Variants in PCDHGA4 observed in about 807,000 individuals in gnomAD.
The protein encoded by PCDHGA4 is protocadherin gamma-A4.
A neutral mutation model predicts 54.6 loss-of-function variants in PCDHGA4; 38 were observed. That is an observed-to-expected ratio of 0.70 (90% CI 0.54 to 0.91). The LOEUF is 0.91. PCDHGA4 is among the 40% of genes least tolerant of loss of function. The pLI is 0.00. For synonymous variants in PCDHGA4, 511 were observed against 512.9 expected, an observed-to-expected ratio of 1.00 and a Z score of 0.05; for missense variants, 1,298 against 1,220.9, an observed-to-expected ratio of 1.06 and a Z score of -0.94.
intron 1 of PCDHGA4, among the ~76,000 whole-genome samples, chr5:141,435,790 A>G (rs1336963117): frequency 2.0e-5 from 3 of 152,168 alleles, no homozygotes; most frequent in African/African-American, 7.2e-5. Flanking sequence ...GCAGGGAAAC[A>G]TAACGTCCCA....
At position 141,491,798 on chromosome 5, in the gene PCDHGA4, G is replaced by A. The variant is rs1269524283; in HGVS notation, c.2515-3009G>A. 1 of 1,506,648 alleles carries A rather than the reference G, an allele frequency of 6.6e-7. No homozygotes were observed. The highest frequency in any genetic ancestry group is 8.9e-7 in the Non-Finnish European group (1 of 1,128,050). The allele number at this position is 1,506,648 out of a possible 1,614,324, so 93.3% of individuals were successfully genotyped here. ...TTGAACTTGCATCCACTCCTCTCCG[G>A]CCGGCTTGGTCGCTGGCTGCGCTCC... On this transcript the variant is annotated intron_variant, in intron 1 of 3. Coordinates refer to ENST00000571252, the MANE Select transcript of PCDHGA4 (RefSeq NM_018917.4). This position sits in a 1 kb window ranked among gnomAD's most constrained non-coding sequence, Gnocchi z 6.9.
intron 1 of PCDHGA4, chr5:141,413,287 T>C (rs937508313): frequency 6.2e-7 from 1 of 1,613,950 alleles, no homozygotes. Flanking sequence ...GATCTCCTAC[T>C]CAATTCCTGA....
chr5:141,410,087 G>A (rs1427716409), intron 1 of PCDHGA4: 1 of 1,612,482 alleles, frequency 6.2e-7, no homozygotes, highest in African/African-American at 1.3e-5. Flanking sequence ...GGTGCGCACG[G>A]CTCGAGCCTT....
At chr5:141,499,271 T>C (rs2099790752) in intron 2 of PCDHGA4, among the ~76,000 whole-genome samples, 1 of 152,180 alleles carries the variant, frequency 6.6e-6, no homozygotes, top group South Asian at 2.1e-4. Context: ...GTCCCTAGAC[T>C]GTTCTCTGAT....
chr5:141,494,316 G>T (rs2099753509), intron 1 of PCDHGA4, among the ~76,000 whole-genome samples: 1 of 152,172 alleles, frequency 6.6e-6, no homozygotes, highest in Admixed American at 6.5e-5. Flanking sequence ...TGCACAACCT[G>T]GCACCAAAAG....
intron 1 of PCDHGA4, chr5:141,394,434 C>A (rs985055027): frequency 6.2e-7 from 1 of 1,614,248 alleles, no homozygotes; most frequent in East Asian, 2.2e-5. Flanking sequence ...CGGGGACCCG[C>A]CCCTCAGCAG....
rs1297213443 is a variant in PCDHGA4 at position 141,384,466 on chromosome 5, G to A, written c.2514+26845G>A. Reference sequence around the variant, plus strand: ...GTACGCGCTGCAATCCTTTGATTATGAGCAGTTGAGAGAACTACAACTAAG... The same window carrying A: ...GTACGCGCTGCAATCCTTTGATTATAAGCAGTTGAGAGAACTACAACTAAG... On this transcript the variant is annotated intron_variant, in intron 1 of 3. Coordinates refer to ENST00000571252, the MANE Select transcript of PCDHGA4 (RefSeq NM_018917.4). 3 of 1,613,996 alleles carry A rather than the reference G, an allele frequency of 1.9e-6. No individual in the cohort carries two copies. The African/African-American group carries it at 4.0e-5, about 22-fold the overall frequency.
chr5:141,405,332 T>C, intron 1 of PCDHGA4: 1 of 1,614,222 alleles, frequency 6.2e-7, no homozygotes, highest in Non-Finnish European at 8.5e-7. Flanking sequence ...TTTGTGCGTC[T>C]CTGTTGATTC....
intron 1 of PCDHGA4, among the ~76,000 whole-genome samples, chr5:141,446,322 C>A (rs1561922470): frequency 2.0e-5 from 3 of 151,968 alleles, no homozygotes; most frequent in South Asian, 4.1e-4. Flanking sequence ...TGGGTTTCCA[C>A]ATTAAGGAAC....
At chr5:141,423,463 G>T (rs772779471) in intron 1 of PCDHGA4, 22 of 1,613,992 alleles carry the variant, frequency 1.4e-5, no homozygotes, top group Non-Finnish European at 1.8e-5. Context: ...AGGCGTGGAC[G>T]GGGTACAGGC....
chr5:141,364,832 C>G lies in PCDHGA4; in HGVS notation c.2514+7211C>G, dbSNP rs538468873. On this transcript the variant is annotated intron_variant, in intron 1 of 3. Coordinates refer to ENST00000571252, the MANE Select transcript of PCDHGA4 (RefSeq NM_018917.4). ...TGCGGATGTGGGTGTGAACTCTCTCCGGAGTTACCAGCTCAGCTCCAATCT... is the reference window on the plus strand; with the variant it reads ...TGCGGATGTGGGTGTGAACTCTCTCGGGAGTTACCAGCTCAGCTCCAATCT... The G allele has an allele frequency of 5.0e-6, 8 of 1,614,012 alleles. No individual in the cohort carries two copies. The African/African-American group carries it at 5.3e-5, about 11-fold the overall frequency.
rs548299275 is a variant in PCDHGA4, at chr5:141,384,200, G to A, written c.2514+26579G>A. On this transcript the variant is annotated intron_variant, in intron 1 of 3. Coordinates refer to ENST00000571252, the MANE Select transcript of PCDHGA4 (RefSeq NM_018917.4). ...GATGGTGGAACTCCTCCCTTGTCCAGGGAAACTCACATATTCATGCAGGTG... is the reference window on the plus strand; with the variant it reads ...GATGGTGGAACTCCTCCCTTGTCCAAGGAAACTCACATATTCATGCAGGTG... 131 of 1,613,832 alleles carry A rather than the reference G, an allele frequency of 8.1e-5. 2 individuals are homozygous for A. The South Asian group carries it at 1.4e-3, about 17-fold the overall frequency.
chr5:141,423,628 A>G (rs1272272666), intron 1 of PCDHGA4: 2 of 1,604,848 alleles, frequency 1.2e-6, no homozygotes, highest in African/African-American at 1.3e-5. Context: ...CTCAGCTATC[A>G]TTTTAGGCAA....
intron 1 of PCDHGA4, chr5:141,402,915 CAG>C: frequency 6.4e-7 from 1 of 1,564,688 alleles, no homozygotes; most frequent in Non-Finnish European, 8.7e-7. Flanking sequence ...GCAGCGCGCA[CAG>C]AGATCCTTTT....
intron 1 of PCDHGA4, chr5:141,400,589 A>G (rs771561940): frequency 4.4e-6 from 7 of 1,605,662 alleles, no homozygotes; most frequent in South Asian, 2.2e-5. Flanking sequence ...ACATGAAACT[A>G]TCGTACATTT....
chr5:141,366,216 C>T, intron 1 of PCDHGA4: 1 of 1,613,804 alleles, frequency 6.2e-7, no homozygotes, highest in Non-Finnish European at 8.5e-7. Context: ...GTGCGCACAG[C>T]GCGAGCCCTG....
intron 1 of PCDHGA4, chr5:141,422,319 TAC>T: frequency 6.5e-7 from 1 of 1,548,220 alleles, no homozygotes; most frequent in Admixed American, 2.1e-5. Flanking sequence ...CTCCTCCAGG[TAC>T]AGTGATTGCT....
At position 141,487,447 on chromosome 5, in the gene PCDHGA4, C is replaced by A. The variant is rs758411138; in HGVS notation, c.2515-7360C>A. 4.3e-6 allele frequency: 7 copies of A among 1,614,182 alleles called. No homozygotes were observed. The highest frequency in any genetic ancestry group is 5.9e-6 in the Non-Finnish European group (7 of 1,180,028). Reference sequence around the variant, plus strand: ...TCCGAATCCAGCTAGGGTCAGATGACCCTATCAAGTTTGTTGATGTGGGAG... The same window carrying A: ...TCCGAATCCAGCTAGGGTCAGATGAACCTATCAAGTTTGTTGATGTGGGAG... On this transcript the variant is annotated intron_variant, in intron 1 of 3. Coordinates refer to ENST00000571252, the MANE Select transcript of PCDHGA4 (RefSeq NM_018917.4). The surrounding 1 kb of genome is among the most constrained non-coding windows in gnomAD (Gnocchi z 5.0).
chr5:141,385,268 C>A (rs1561607524), intron 1 of PCDHGA4: 3 of 1,613,616 alleles, frequency 1.9e-6, no homozygotes, highest in South Asian at 2.2e-5. Context: ...AAAAATGATT[C>A]TTTGCTAACA....
Sources: gnomAD v4.1 joint callset for allele counts (sites outside exome capture counted in the v4.1 genomes callset) on GRCh38, gnomAD v4.1.1 for gene constraint, Gnocchi (gnomAD v3.1) non-coding constraint, MANE v1.5 for transcripts, NCBI Gene and HGNC (gene_info 2026-07-23, HGNC 2026-07-21) for gene names.